Variants in KIF1A observed in about 807,000 individuals in gnomAD.
KIF1A encodes the protein kinesin-like protein KIF1A.
KIF1A carries 46 observed loss-of-function variants against 227.3 expected under a neutral mutation model. That is an observed-to-expected ratio of 0.20 (90% CI 0.16 to 0.26). The LOEUF (loss-of-function observed/expected upper bound fraction) is 0.26. KIF1A is among the 10% of genes least tolerant of loss of function. The pLI, the probability that KIF1A is intolerant of heterozygous loss-of-function variation, is 1.00. For synonymous variants in KIF1A, 1,022 were observed against 1,012.8 expected, an observed-to-expected ratio of 1.01 and a Z score of -0.17; for missense variants, 1,683 against 2,485.9, an observed-to-expected ratio of 0.68 and a Z score of 6.87.
At chr2:240,744,925 C>T (rs2048407830) in intron 32 of KIF1A, among the ~76,000 whole-genome samples, 1 of 152,186 alleles carries the variant, frequency 6.6e-6, no homozygotes. Context: ...GCCCCAGGAG[C>T]CCAGTTCTCC....
rs569810326 is a variant in KIF1A at position 240,753,698 on chromosome 2, T to C, written c.2859-3151A>G. ...CCCATCTCCTCGCCAGGGCACGTCC[T>C]AATAAACAGCCATCTCAACTCAACC... On this transcript the variant is annotated intron_variant, in intron 27 of 48. Transcript: ENST00000498729. Among the ~76,000 whole-genome samples, 51 of 152,340 alleles carry C rather than the reference T, an allele frequency of 3.3e-4. No individual in the cohort carries two copies. The East Asian group carries it at 9.3e-3, about 28-fold the overall frequency.
At position 240,773,155 on chromosome 2, in the gene KIF1A, C is replaced by T. The variant is rs759791775; in HGVS notation, c.1139G>A (p.Arg380Gln). ...AAGACCCTGGGCGTACAGAAGGTCC[C>T]GCAGCCGGGTCACCTCATCCTTCAG... The part of the protein sequence containing the change: ...RELKDEVTRL[R>Q]DLLYAQGLGD... Residue 380 changes from arginine (R) to glutamine (Q), a missense_variant, in exon 13 of 49, where the codon CGG (arginine) becomes CAG (glutamine). This residue lies in a region of KIF1A where 110 missense variants were observed against 133.1 expected (regional missense o/e 0.83). Coordinates refer to ENST00000498729, the MANE Select transcript of KIF1A (RefSeq NM_001244008.2). 5.0e-6 allele frequency: 8 copies of T among 1,613,750 alleles called. No individual in the cohort carries two copies. Among genetic ancestry groups the T allele is most frequent in the East Asian group, 2.2e-5 (1 of 44,892 alleles).
intron 10 of KIF1A, chr2:240,781,702 T>C: frequency 1.1e-6 from 1 of 943,168 alleles, no homozygotes; most frequent in Non-Finnish European, 1.3e-6. Context: ...CCACGCAGTG[T>C]CCTGTGCCGT....
At position 240,786,387 on chromosome 2, in the gene KIF1A, C is replaced by T; in HGVS notation, c.556G>A (p.Val186Ile). The T allele has an allele frequency of 6.2e-7, 1 of 1,613,686 alleles. No homozygotes were observed. Among genetic ancestry groups the T allele is most frequent in the Non-Finnish European group, 8.5e-7 (1 of 1,179,790 alleles). ...PYVEDLSKLA[V>I]TSYNDIQDLM... ...TCCTGGATGTCATTGTAGGAGGTGA[C>T]AGCCAGCTTGGAGAGGTCCTCCACG... is the stretch of plus-strand genomic sequence containing the variant. Residue 186 changes from valine (V) to isoleucine (I), a missense_variant, in exon 6 of 49, where the codon GTC (valine) becomes ATC (isoleucine). By Grantham distance (29) the Val-to-Ile change is conservative (BLOSUM62 3). This residue lies in a region of KIF1A where 75 missense variants were observed against 131.2 expected (regional missense o/e 0.57). Coordinates refer to ENST00000498729, the MANE Select transcript of KIF1A (RefSeq NM_001244008.2).
chr2:240,793,842 G>A lies in KIF1A; in HGVS notation c.106+3805C>T, dbSNP rs1157716358. Among the ~76,000 whole-genome samples, 2 of 152,196 alleles carry A rather than the reference G, an allele frequency of 1.3e-5. No individual in the cohort carries two copies. The highest frequency in any genetic ancestry group is 3.9e-4 in the East Asian group (2 of 5,186). ...TGTTTTGAGACTCCAGGAACAGTCA[G>A]CAGCTTCACCGGACAGGCAGGGCAG... On this transcript the variant is annotated intron_variant, in intron 2 of 48. Coordinates refer to ENST00000498729, the MANE Select transcript of KIF1A (RefSeq NM_001244008.2). The surrounding 1 kb of genome is among the most constrained non-coding windows in gnomAD (Gnocchi z 4.8).
chr2:240,743,863 C>T lies in KIF1A; in HGVS notation c.3584+79G>A. ...TCAGGGGGTGCATAGGCTCTGCAGC[C>T]TCAAGACAGCTGGATGAAAAGATCT... is the stretch of plus-strand genomic sequence containing the variant. On this transcript the variant is annotated intron_variant, in intron 33 of 48. Transcript: ENST00000498729. 4 of 1,004,532 alleles carry T rather than the reference C, an allele frequency of 4.0e-6. No homozygotes were observed. In the South Asian group the frequency reaches 5.7e-5, roughly 14 times the overall value. The allele number at this position is 1,004,532 out of a possible 1,614,324, so 62.2% of individuals were successfully genotyped here. A position where few individuals can be genotyped will look rare whatever the true frequency, so the allele number is the denominator to read the frequency against.
chr2:240,724,069 C>T, intron 40 of KIF1A, 33 bp from the exon 41 acceptor site: 2 of 1,589,572 alleles, frequency 1.3e-6, no homozygotes, highest in East Asian at 2.2e-5. Context: ...CATGCAGTCA[C>T]CAGGCCCCGC....
chr2:240,727,046 G>A (rs2046094396), intron 38 of KIF1A, 106 bp from the exon 39 acceptor site: 2 of 640,262 alleles, frequency 3.1e-6, no homozygotes, highest in Non-Finnish European at 5.4e-6. Flanking sequence ...GCAGCCGCAA[G>A]GGAGCGGCTG....
Position 240,758,304 on chromosome 2 carries a change from C to T in KIF1A, c.2582+56G>A. 1.9e-6 allele frequency: 3 copies of T among 1,568,860 alleles called. No individual in the cohort carries two copies. Among genetic ancestry groups the T allele is most frequent in the East Asian group, 2.3e-5 (1 of 44,264 alleles). ...AGGCCAGGGCCCACTCCTACCCCCA[C>T]TGCCATCTCTCTCTCTCAATCTCTC... On this transcript the variant is annotated intron_variant, in intron 26 of 48. Coordinates refer to ENST00000498729, the MANE Select transcript of KIF1A (RefSeq NM_001244008.2). This position sits in a 1 kb window ranked among gnomAD's most constrained non-coding sequence, Gnocchi z 5.2.
rs775629716 is a variant in KIF1A, at chr2:240,748,815, T to TA, written c.2978-1495_2978-1494insT. ...TGCTATAAACAGCATTTAGAAATTA[T>TA]GGGCTAGGCTGGGCAGGGTGGCTGG... is the stretch of plus-strand genomic sequence containing the variant. On this transcript the variant is annotated intron_variant, in intron 28 of 48. Coordinates refer to ENST00000498729, the MANE Select transcript of KIF1A (RefSeq NM_001244008.2). The TA allele has an allele frequency of 9.0e-5, 16 of 178,608 alleles. No homozygotes were observed. The East Asian group carries it at 2.7e-3, about 30-fold the overall frequency. 11.1% of individuals were successfully genotyped at this position (178,608 alleles called of 1,614,324 possible). A position where few individuals can be genotyped will look rare whatever the true frequency, so the allele number is the denominator to read the frequency against.
chr2:240,722,769 C>G (rs1457508720), intron 42 of KIF1A, 113 bp from the exon 43 acceptor site: 2 of 809,866 alleles, frequency 2.5e-6, no homozygotes, highest in African/African-American at 3.5e-5. Context: ...AGCCCACCCT[C>G]CCCTGGGCTA....
Position 240,725,457 on chromosome 2 carries a change from T to A in KIF1A, c.4123-53A>T. The A allele has an allele frequency of 6.3e-7, 1 of 1,594,254 alleles. No homozygotes were observed. Among genetic ancestry groups the A allele is most frequent in the Non-Finnish European group, 8.6e-7 (1 of 1,168,608 alleles). On this transcript the variant is annotated intron_variant, in intron 39 of 48. Coordinates refer to ENST00000498729, the MANE Select transcript of KIF1A (RefSeq NM_001244008.2). This position sits in a 1 kb window ranked among gnomAD's most constrained non-coding sequence, Gnocchi z 5.8. ...CACAAGGACACCCCGAGTGCCCAGG[T>A]GCCCTTCCAGCCTTCTCCTGGGGGC...
chr2:240,720,873 G>A lies in KIF1A; in HGVS notation c.4868+41C>T, dbSNP rs200713541. 9.1e-4 allele frequency: 1,385 copies of A among 1,518,160 alleles called. 1 individual carries two copies. Among genetic ancestry groups the A allele is most frequent in the Non-Finnish European group, 1.1e-3 (1,203 of 1,124,138 alleles). 94.0% of individuals were successfully genotyped at this position (1,518,160 alleles called of 1,614,324 possible). ...TCACGGCCATGGTCATGGGTCAGCC[G>A]TGGTGCCAGAAGCCACTCCGGGAGC... On this transcript the variant is annotated intron_variant, in intron 45 of 48. Transcript: ENST00000498729.
intron 28 of KIF1A, 49 bp downstream of exon 28, chr2:240,750,380 C>A: frequency 7.0e-7 from 1 of 1,426,782 alleles, no homozygotes; most frequent in East Asian, 2.3e-5. Context: ...AAGGTCAGAG[C>A]CAGCCCCAGG....
intron 1 of KIF1A, among the ~76,000 whole-genome samples, chr2:240,812,662 C>T (rs1055318533): frequency 1.3e-5 from 2 of 150,684 alleles, no homozygotes; most frequent in Admixed American, 1.3e-4. Flanking sequence ...CAAGATCCAC[C>T]TTCACCTCAG....
In KIF1A at chr2:240,726,765, A is replaced by G; in HGVS notation, c.4122+61T>C. On this transcript the variant is annotated intron_variant, in intron 39 of 48. Coordinates refer to ENST00000498729, the MANE Select transcript of KIF1A (RefSeq NM_001244008.2). The surrounding 1 kb of genome is among the most constrained non-coding windows in gnomAD (Gnocchi z 5.2). ...CATATGGGGTTGTCCAGAGCTTACA[A>G]GAACCTCAAGCTTCAGGGGCTGAGT... The G allele has an allele frequency of 9.9e-7, 1 of 1,008,268 alleles. No individual in the cohort carries two copies. The allele number at this position is 1,008,268 out of a possible 1,614,324, so 62.5% of individuals were successfully genotyped here.
intron 6 of KIF1A, among the ~76,000 whole-genome samples, 168 bp downstream of exon 6, chr2:240,786,167 C>T (rs1470555150): frequency 6.6e-6 from 1 of 152,214 alleles, no homozygotes; most frequent in African/African-American, 2.4e-5. Context: ...CCCTCGGCCT[C>T]TCTCGGGCTG....
intron 13 of KIF1A, 136 bp downstream of exon 13, chr2:240,772,978 A>G: frequency 2.2e-6 from 2 of 907,572 alleles, no homozygotes; most frequent in Non-Finnish European, 3.2e-6. Context: ...GGGCTCTGGG[A>G]GCGGTGTGGA....
In KIF1A at chr2:240,809,292, G is replaced by GA. The variant is rs547243403; in HGVS notation, c.-61+10829dup. On this transcript the variant is annotated intron_variant, in intron 1 of 48. Coordinates refer to ENST00000498729, the MANE Select transcript of KIF1A (RefSeq NM_001244008.2). ...CATCAATAACAAGTCTGAAGAAGAA[G>GA]AAAAAAAAGACCAGAGGGCAGAGGG... Among the ~76,000 whole-genome samples, 305 of 152,040 alleles carry GA rather than the reference G, an allele frequency of 2.0e-3. 1 individual carries two copies. Among genetic ancestry groups the GA allele is most frequent in the Non-Finnish European group, 3.8e-3 (257 of 67,984 alleles).
Sources: allele counts gnomAD v4.1 joint callset (sites outside exome capture counted in the v4.1 genomes callset), GRCh38; gene constraint gnomAD v4.1.1; regional missense constraint gnomAD v4.1.1; non-coding constraint Gnocchi (gnomAD v3.1); transcripts MANE v1.5; gene names NCBI Gene and HGNC (gene_info 2026-07-23, HGNC 2026-07-21).